The following PHF24 variants were observed in gnomAD, a reference collection of about 807,000 sequenced individuals.
PHF24 encodes the protein PHD finger protein 24, also known as Galpha inhibitory interacting protein.
PHF24 carries 25 observed loss-of-function variants against 42.6 expected under a neutral mutation model. The ratio of observed to expected loss-of-function variants is 0.59; its 90% CI spans 0.43 to 0.82. PHF24 has a LOEUF of 0.82. Among genes scored for constraint, PHF24 ranks in the 40% least tolerant of loss-of-function variants. The pLI, the probability that PHF24 is intolerant of heterozygous loss-of-function variation, is 0.00. For missense variants in PHF24, 470 were observed against 538.1 expected (o/e 0.87, Z 1.25); for synonymous variants, 185 against 204.8 (o/e 0.90, Z 0.83).
chr9:34,707,125 T>A, the PHF24 span, among the ~76,000 whole-genome samples: 3 of 152,206 alleles, frequency 2.0e-5, no homozygotes, highest in African/African-American at 7.2e-5. Flanking sequence ...CTAATTTCTG[T>A]CTGTGATGGG....
chr9:34,875,066 C>A, the PHF24 span, among the ~76,000 whole-genome samples: 1 of 152,112 alleles, frequency 6.6e-6, no homozygotes, highest in East Asian at 1.9e-4. Flanking sequence ...TTAATTAATT[C>A]TATCTTTTTG....
the PHF24 span, among the ~76,000 whole-genome samples, chr9:34,811,820 A>G: frequency 6.6e-6 from 1 of 152,344 alleles, no homozygotes; most frequent in South Asian, 2.1e-4. Context: ...TAAAAATTCT[A>G]TGCATAAAAG....
the PHF24 span, among the ~76,000 whole-genome samples, chr9:34,766,315 C>A: frequency 6.6e-6 from 1 of 152,200 alleles, no homozygotes; most frequent in East Asian, 1.9e-4. Context: ...TGGTTCCATT[C>A]TCCCCGTCAC....
At chr9:34,756,846 C>T in the PHF24 span, among the ~76,000 whole-genome samples, 1 of 151,836 alleles carries the variant, frequency 6.6e-6, no homozygotes, top group African/African-American at 2.4e-5. Context: ...AGTCTGTGAG[C>T]ATGGAATGTC....
chr9:34,908,839 TTTC>T, the PHF24 span, among the ~76,000 whole-genome samples: 7 of 140,188 alleles, frequency 5.0e-5, no homozygotes, highest in African/African-American at 1.9e-4. Context: ...TTTCTTTTCT[TTTC>T]TTTTTTTTTT....
chr9:34,938,934 CAA>C, the PHF24 span, among the ~76,000 whole-genome samples: 446 of 63,380 alleles, frequency 7.0e-3, 1 homozygote, highest in Admixed American at 8.5e-3. Flanking sequence ...GAGACTCCAT[CAA>C]AAAAAAAAAA....
At chr9:34,701,806 G>A in the PHF24 span, among the ~76,000 whole-genome samples, 7 of 152,116 alleles carry the variant, frequency 4.6e-5, no homozygotes, top group Admixed American at 1.3e-4. This position sits in a 1 kb window ranked among gnomAD's most constrained non-coding sequence, Gnocchi z 5.8. Flanking sequence ...GGCCCAGCCC[G>A]GTGGCCGGGG....
chr9:34,699,082 C>A, the PHF24 span, among the ~76,000 whole-genome samples: 3 of 152,204 alleles, frequency 2.0e-5, no homozygotes, highest in African/African-American at 7.2e-5. Context: ...CTAAGCAAAT[C>A]ATATAGTTGG....
chr9:34,828,569 T>A, the PHF24 span, among the ~76,000 whole-genome samples: 1 of 152,256 alleles, frequency 6.6e-6, no homozygotes, highest in Non-Finnish European at 1.5e-5. Context: ...CTGTTGTATC[T>A]TGAATCCACT....
chr9:34,679,967 A>G, the PHF24 span, among the ~76,000 whole-genome samples: 5 of 150,226 alleles, frequency 3.3e-5, no homozygotes, highest in African/African-American at 1.2e-4. Context: ...TGAGGCCAAG[A>G]TCAGAGGACC....
chr9:34,671,813 A>G, the PHF24 span, among the ~76,000 whole-genome samples: 1 of 135,030 alleles, frequency 7.4e-6, no homozygotes, highest in Non-Finnish European at 1.5e-5. Context: ...TGCCTCATCC[A>G]TCCATCCATC....
chr9:34,831,358 A>C, the PHF24 span, among the ~76,000 whole-genome samples: 3 of 152,162 alleles, frequency 2.0e-5, no homozygotes, highest in Non-Finnish European at 4.4e-5. Context: ...GGATCATGGC[A>C]AGGAGAGTGG....
the PHF24 span, among the ~76,000 whole-genome samples, chr9:34,923,636 A>G: frequency 6.6e-6 from 1 of 152,118 alleles, no homozygotes; most frequent in Non-Finnish European, 1.5e-5. Flanking sequence ...GTAGTCTGTA[A>G]TGATCCTCAG....
At chr9:34,919,710 A>ACACACACACACACACACACACT in the PHF24 span, among the ~76,000 whole-genome samples, 2 of 151,832 alleles carry the variant, frequency 1.3e-5, no homozygotes, top group South Asian at 2.1e-4. Context: ...ACACACACAC[A>ACACACACACACACACACACACT]TCCCAACCCC....
At chr9:34,725,323 G>A in the PHF24 span, 8 of 966,454 alleles carry the variant, frequency 8.3e-6, 1 homozygote, top group South Asian at 7.4e-5. Flanking sequence ...CAGGCTGGGG[G>A]ATGCTCACGT....
the PHF24 span, among the ~76,000 whole-genome samples, chr9:34,855,891 G>C: frequency 3.6e-3 from 545 of 152,146 alleles, 4 homozygotes; most frequent in Non-Finnish European, 4.8e-3. Flanking sequence ...CCTTCTCCTT[G>C]TCTCTTTCAG....
rs568512971 is a variant in PHF24, at chr9:34,967,011, G to C, written c.-4-4284G>C. On this transcript the variant is annotated intron_variant, in intron 1 of 7. Coordinates refer to ENST00000242315, the Ensembl canonical transcript of PHF24. The stretch of plus-strand genomic sequence containing the variant: ...CCCACCTCAGCTGCCCACGTAGCTG[G>C]GATTACAGGCATGTGCCACTATGCC... 2.0e-5 allele frequency among the ~76,000 whole-genome samples: 3 copies of C among 152,086 alleles called. No individual in the cohort carries two copies. The South Asian group carries it at 6.2e-4, about 32-fold the overall frequency.
the PHF24 span, among the ~76,000 whole-genome samples, chr9:34,853,794 C>G: frequency 7.1e-6 from 1 of 140,594 alleles, no homozygotes; most frequent in Admixed American, 7.4e-5. Flanking sequence ...CGCCACTGCA[C>G]TCCAGCCTGG....
At chr9:34,777,810 T>C in the PHF24 span, among the ~76,000 whole-genome samples, 2 of 152,224 alleles carry the variant, frequency 1.3e-5, no homozygotes, top group Non-Finnish European at 2.9e-5. Flanking sequence ...GGCAATTTTC[T>C]GTAGCTGTTT....
Sources: gnomAD v4.1 joint callset for allele counts (sites outside exome capture counted in the v4.1 genomes callset) on GRCh38, gnomAD v4.1.1 for gene constraint, Gnocchi (gnomAD v3.1) non-coding constraint, MANE v1.5 for transcripts, NCBI Gene and HGNC (gene_info 2026-07-23, HGNC 2026-07-21) for gene names.